Variants in CTNND2 observed in about 807,000 individuals in gnomAD.
CTNND2 encodes the protein catenin delta-2.
CTNND2 carries 22 observed loss-of-function variants against 144.4 expected under a neutral mutation model. That is an observed-to-expected ratio of 0.15 (90% CI 0.11 to 0.22). The LOEUF is 0.22. Ranked by LOEUF, CTNND2 falls within the 10% of genes least tolerant of loss-of-function variation. The pLI, the probability that CTNND2 is intolerant of heterozygous loss-of-function variation, is 1.00. For missense variants in CTNND2, 1,353 were observed against 1,618.8 expected (o/e 0.84, Z 2.82); for synonymous variants, 751 against 695.6 (o/e 1.08, Z -1.25).
chr5:11,624,443 C>T (rs1159005222), intron 2 of CTNND2, among the ~76,000 whole-genome samples: 1 of 152,078 alleles, frequency 6.6e-6, no homozygotes, highest in Non-Finnish European at 1.5e-5. Flanking sequence ...TTTTCATTTA[C>T]AAAAGAGCGC....
intron 9 of CTNND2, among the ~76,000 whole-genome samples, chr5:11,311,693 TCCATGCACCCTCACCACACACTCC>T (rs1197511721): frequency 6.3e-5 from 8 of 127,874 alleles, no homozygotes; most frequent in Non-Finnish European, 1.1e-4. Flanking sequence ...ACACTCACTC[TCCATGCACCCTCACCACACACTCC>T]CCATGCACCC....
intron 9 of CTNND2, among the ~76,000 whole-genome samples, chr5:11,259,294 T>C (rs1461033487): frequency 3.9e-5 from 6 of 152,156 alleles, no homozygotes; most frequent in African/African-American, 1.2e-4. Flanking sequence ...GTGGGTCTCT[T>C]GGGATGTTTA....
At chr5:11,241,379 A>G (rs1742434295) in intron 9 of CTNND2, among the ~76,000 whole-genome samples, 1 of 152,328 alleles carries the variant, frequency 6.6e-6, no homozygotes, top group African/African-American at 2.4e-5. Flanking sequence ...AAAAGCCCCG[A>G]TCATTAAGCC....
chr5:11,601,552 G>A (rs969095686), intron 2 of CTNND2, among the ~76,000 whole-genome samples: 2 of 151,872 alleles, frequency 1.3e-5, no homozygotes, highest in Admixed American at 1.3e-4. Context: ...TTTATTAGAT[G>A]TAATTGTTAA....
At chr5:11,023,644 T>C (rs1025438106) in intron 16 of CTNND2, among the ~76,000 whole-genome samples, 1 of 152,220 alleles carries the variant, frequency 6.6e-6, no homozygotes, top group Non-Finnish European at 1.5e-5. Context: ...GTCTCTCTGA[T>C]GGGATTTTAT....
chr5:11,851,128 G>T lies in CTNND2; in HGVS notation c.37+52689C>A, dbSNP rs535661028. On this transcript the variant is annotated intron_variant, in intron 1 of 21. Coordinates refer to ENST00000304623, the MANE Select transcript of CTNND2 (RefSeq NM_001332.4). ...CTACTGGCCTGTCCCACAGATTTCA[G>T]ACTTTATACTGCAGCATCACCCCTC... 2.0e-5 allele frequency among the ~76,000 whole-genome samples: 3 copies of T among 152,248 alleles called. No homozygotes were observed. In the East Asian group the frequency reaches 5.8e-4, roughly 29 times the overall value.
At chr5:11,783,224 G>T (rs903340437) in intron 1 of CTNND2, among the ~76,000 whole-genome samples, 1 of 152,080 alleles carries the variant, frequency 6.6e-6, no homozygotes. Flanking sequence ...TTCCTAGTTG[G>T]TTTTTCTCCA....
intron 2 of CTNND2, among the ~76,000 whole-genome samples, chr5:11,715,086 G>T (rs779945831): frequency 5.9e-5 from 9 of 152,112 alleles, no homozygotes; most frequent in Non-Finnish European, 1.2e-4. Flanking sequence ...GTCTTAGAGT[G>T]AATTTTTCTT....
rs1030691942 is a variant in CTNND2, at chr5:11,684,344, C to T, written c.174+47792G>A. On this transcript the variant is annotated intron_variant, in intron 2 of 21. Coordinates refer to ENST00000304623, the MANE Select transcript of CTNND2 (RefSeq NM_001332.4). Reference sequence around the variant, plus strand: ...GTCTTGATCCCCTGACCTCATGATCCACCCGCCTCGGCCTCCCAAAGTGCT... The same window carrying T: ...GTCTTGATCCCCTGACCTCATGATCTACCCGCCTCGGCCTCCCAAAGTGCT... Among the ~76,000 whole-genome samples, 13 of 152,156 alleles carry T rather than the reference C, an allele frequency of 8.5e-5. 1 individual carries two copies. In the South Asian group the frequency reaches 1.5e-3, roughly 17 times the overall value.
At chr5:11,190,166 T>G (rs991195956) in intron 11 of CTNND2, among the ~76,000 whole-genome samples, 1 of 152,234 alleles carries the variant, frequency 6.6e-6, no homozygotes, top group Admixed American at 6.5e-5. Flanking sequence ...TTAACAGCAA[T>G]GTACTGGGAA....
intron 2 of CTNND2, among the ~76,000 whole-genome samples, chr5:11,571,127 T>TC (rs2150115828): frequency 6.6e-6 from 1 of 152,332 alleles, no homozygotes; most frequent in Admixed American, 6.5e-5. Context: ...CTCTTCTTTC[T>TC]CCACAGTATT....
chr5:11,117,353 G>T, intron 13 of CTNND2, 97 bp downstream of exon 13: 1 of 906,878 alleles, frequency 1.1e-6, no homozygotes, highest in Non-Finnish European at 1.8e-6. Context: ...AGGAAAGTCT[G>T]AAATACTGCA....
At chr5:10,983,632 T>A (rs1737575213) in intron 20 of CTNND2, among the ~76,000 whole-genome samples, 1 of 152,204 alleles carries the variant, frequency 6.6e-6, no homozygotes, top group African/African-American at 2.4e-5. Flanking sequence ...GTCTCTGTAT[T>A]ATGGTGCAAA....
chr5:11,228,901 C>CA (rs1163113022), intron 10 of CTNND2, among the ~76,000 whole-genome samples: 28 of 151,958 alleles, frequency 1.8e-4, no homozygotes, highest in African/African-American at 6.8e-4. Context: ...TCTTTAAAAA[C>CA]AAAAATGTTT....
chr5:11,226,388 T>A (rs1405528578), intron 10 of CTNND2, among the ~76,000 whole-genome samples: 1 of 152,186 alleles, frequency 6.6e-6, no homozygotes, highest in Non-Finnish European at 1.5e-5. Flanking sequence ...ATAGCCCACA[T>A]CACCATCTCA....
At chr5:11,234,456 G>C (rs1403728784) in intron 10 of CTNND2, among the ~76,000 whole-genome samples, 1 of 152,218 alleles carries the variant, frequency 6.6e-6, no homozygotes, top group Non-Finnish European at 1.5e-5. Flanking sequence ...AGGATAATCA[G>C]GTAGTTCAAG....
intron 3 of CTNND2, among the ~76,000 whole-genome samples, chr5:11,494,518 G>A (rs143905544): frequency 2.0e-4 from 31 of 152,202 alleles, no homozygotes; most frequent in African/African-American, 7.5e-4. Context: ...TTTTCAAAGA[G>A]GTGCTGCCAC....
rs994268668 is a variant in CTNND2 at position 11,436,148 on chromosome 5, C to T, written c.288-24079G>A. Among the ~76,000 whole-genome samples, 24 of 151,968 alleles carry T rather than the reference C, an allele frequency of 1.6e-4. 1 individual carries two copies. The highest frequency in any genetic ancestry group is 6.3e-4 in the South Asian group (3 of 4,788). ...ACCAATCCCTACCAAGGCACAATCC[C>T]TACCCTTCAGGAATATACACTGTTG... On this transcript the variant is annotated intron_variant, in intron 3 of 21. Transcript: ENST00000304623.
At chr5:11,869,300 T>C (rs1020906351) in intron 1 of CTNND2, among the ~76,000 whole-genome samples, 9 of 152,220 alleles carry the variant, frequency 5.9e-5, no homozygotes, top group Non-Finnish European at 1.3e-4. Flanking sequence ...TTATTCACAA[T>C]TGCCAAAAGG....
Sources: allele counts gnomAD v4.1 joint callset (sites outside exome capture counted in the v4.1 genomes callset), GRCh38; gene constraint gnomAD v4.1.1; transcripts MANE v1.5; gene names NCBI Gene and HGNC (gene_info 2026-07-23, HGNC 2026-07-21).